TMEM132C: variants seen among roughly 807,000 people sequenced by gnomAD.
TMEM132C encodes transmembrane protein 132C.
Under a neutral mutation model 61.4 loss-of-function variants are expected in TMEM132C, and 29 were observed. That is an observed-to-expected ratio of 0.47 (90% CI 0.35 to 0.64). The LOEUF is 0.64. Ranked by LOEUF, TMEM132C falls within the 30% of genes least tolerant of loss-of-function variation. TMEM132C has a pLI of 0.00. For missense variants in TMEM132C, 1,408 were observed against 1,476.9 expected, an observed-to-expected ratio of 0.95 and a Z score of 0.76; for synonymous variants, 656 against 633.1, an observed-to-expected ratio of 1.04 and a Z score of -0.54.
intron 1 of TMEM132C, among the ~76,000 whole-genome samples, chr12:128,383,195 CCT>C (rs1874468722): frequency 1.3e-5 from 2 of 151,738 alleles, no homozygotes; most frequent in Admixed American, 6.6e-5. Flanking sequence ...CATGTGCACC[CCT>C]GTGTACATGT....
rs115551732 is a variant in TMEM132C, at chr12:128,586,983, G to T, written c.1122-29169G>T. Among the ~76,000 whole-genome samples the T allele has an allele frequency of 3.9e-5, 6 of 152,194 alleles. No individual in the cohort carries two copies. In the East Asian group the frequency reaches 1.2e-3, roughly 29 times the overall value. ...CCTGCTTTTCAGTGACTGCTCTTCC[G>T]TTTTCACTTAGAGCCATATTCACAG... On this transcript the variant is annotated intron_variant, in intron 3 of 8. Transcript: ENST00000435159.
intron 1 of TMEM132C, among the ~76,000 whole-genome samples, chr12:128,360,026 T>A (rs952093): frequency 6.6e-6 from 1 of 152,062 alleles, no homozygotes; most frequent in Admixed American, 6.5e-5. Context: ...TGACAATCAC[T>A]GTGGTGGGTT....
At chr12:128,601,385 A>G (rs933159660) in intron 3 of TMEM132C, among the ~76,000 whole-genome samples, 1 of 152,222 alleles carries the variant, frequency 6.6e-6, no homozygotes, top group African/African-American at 2.4e-5. Flanking sequence ...TGCACTTTCT[A>G]CGAGTCAGTG....
At position 128,616,634 on chromosome 12, in the gene TMEM132C, C is replaced by T. The variant is rs543053524; in HGVS notation, c.1305+299C>T. Among the ~76,000 whole-genome samples the T allele has an allele frequency of 3.9e-5, 6 of 152,292 alleles. No individual in the cohort carries two copies. The East Asian group carries it at 1.2e-3, about 29-fold the overall frequency. ...GCAGCCAGGGTTGGAAACCCCTGAG[C>T]TAAAAGGATGGTCAGCTTTGCCATC... On this transcript the variant is annotated intron_variant, in intron 4 of 8. Coordinates refer to ENST00000435159, the MANE Select transcript of TMEM132C (RefSeq NM_001136103.3).
chr12:128,305,046 T>C (rs1011719136), intron 1 of TMEM132C, among the ~76,000 whole-genome samples: 3 of 152,134 alleles, frequency 2.0e-5, no homozygotes, highest in East Asian at 1.9e-4. Flanking sequence ...AAAATGGGGC[T>C]ACTCTCATCC....
intron 3 of TMEM132C, among the ~76,000 whole-genome samples, chr12:128,594,426 G>T (rs1215042491): frequency 2.0e-5 from 3 of 149,640 alleles, no homozygotes; most frequent in Non-Finnish European, 2.9e-5. Flanking sequence ...TTTTGTGGCT[G>T]CTGTGCCCCC....
chr12:128,543,345 T>C (rs576627750), intron 2 of TMEM132C, among the ~76,000 whole-genome samples: 1 of 152,276 alleles, frequency 6.6e-6, no homozygotes, highest in East Asian at 1.9e-4. Context: ...CTGCTCTTTC[T>C]TACAGAGGAG....
At chr12:128,543,497 G>T (rs186251718) in intron 2 of TMEM132C, among the ~76,000 whole-genome samples, 1 of 152,088 alleles carries the variant, frequency 6.6e-6, no homozygotes, top group Non-Finnish European at 1.5e-5. Flanking sequence ...CTTTCAAGTG[G>T]GTTGCAGGCT....
At chr12:128,306,206 C>CT (rs34273117) in intron 1 of TMEM132C, among the ~76,000 whole-genome samples, 1,612 of 136,886 alleles carry the variant, frequency 0.012, 50 homozygotes, top group African/African-American at 0.035. Flanking sequence ...TGAAGAAATT[C>CT]TTTTTTTTTT....
intron 2 of TMEM132C, among the ~76,000 whole-genome samples, chr12:128,419,016 C>G (rs563655785): frequency 1.3e-5 from 2 of 152,168 alleles, no homozygotes; most frequent in African/African-American, 4.8e-5. Flanking sequence ...TGCAAGTATC[C>G]AACCATGACC....
intron 1 of TMEM132C, among the ~76,000 whole-genome samples, chr12:128,306,289 GC>G (rs1218487297): frequency 6.8e-6 from 1 of 147,408 alleles, no homozygotes. Context: ...TGCAAGCTCT[GC>G]CCCCCGGGTT....
chr12:128,546,819 C>G (rs893326161), intron 3 of TMEM132C, among the ~76,000 whole-genome samples: 1 of 152,218 alleles, frequency 6.6e-6, no homozygotes, highest in East Asian at 1.9e-4. Context: ...AAAACCTTCA[C>G]TTAATCACAT....
intron 1 of TMEM132C, among the ~76,000 whole-genome samples, chr12:128,303,983 T>C (rs1164564464): frequency 6.6e-6 from 1 of 152,116 alleles, no homozygotes; most frequent in Non-Finnish European, 1.5e-5. Context: ...GAGACCCAAC[T>C]AACCTGGTAG....
chr12:128,535,181 A>C (rs1313315324), intron 2 of TMEM132C, among the ~76,000 whole-genome samples: 1 of 152,172 alleles, frequency 6.6e-6, no homozygotes, highest in Non-Finnish European at 1.5e-5. Flanking sequence ...TGAATCATTT[A>C]ATGTAAGACT....
At chr12:128,481,277 C>A (rs1263196013) in intron 2 of TMEM132C, among the ~76,000 whole-genome samples, 4 of 152,188 alleles carry the variant, frequency 2.6e-5, no homozygotes, top group African/African-American at 9.7e-5. Context: ...TTAATCCTTT[C>A]AACAACCTTA....
chr12:128,504,985 G>GTAGTAAGTAAGATTACTTACTACTTTACA (rs1872309981), intron 2 of TMEM132C, among the ~76,000 whole-genome samples: 1 of 151,694 alleles, frequency 6.6e-6, no homozygotes, highest in Non-Finnish European at 1.5e-5. Flanking sequence ...ACTACTTTAC[G>GTAGTAAGTAAGATTACTTACTACTTTACA]TAGTAAGTAA....
intron 8 of TMEM132C, among the ~76,000 whole-genome samples, chr12:128,704,833 T>C (rs572497851): frequency 2.0e-5 from 3 of 152,112 alleles, no homozygotes; most frequent in Non-Finnish European, 4.4e-5. Flanking sequence ...CACTTAGGGA[T>C]TTTTGTTTTG....
chr12:128,283,503 T>G (rs1161711901), intron 1 of TMEM132C, among the ~76,000 whole-genome samples: 2 of 152,026 alleles, frequency 1.3e-5, no homozygotes, highest in African/African-American at 4.8e-5. Flanking sequence ...CCTCTCTACC[T>G]CCATCTACTG....
intron 3 of TMEM132C, among the ~76,000 whole-genome samples, chr12:128,614,539 T>C (rs971471109): frequency 7.2e-5 from 11 of 152,210 alleles, no homozygotes; most frequent in African/African-American, 1.9e-4. Context: ...GTAAAGAGCA[T>C]TGGACTCGGA....
Sources: allele counts gnomAD v4.1 joint callset (sites outside exome capture counted in the v4.1 genomes callset), GRCh38; gene constraint gnomAD v4.1.1; transcripts MANE v1.5; gene names NCBI Gene and HGNC (gene_info 2026-07-23, HGNC 2026-07-21).